NRXN3: variants seen among roughly 807,000 people sequenced by gnomAD.
The protein encoded by NRXN3 is neurexin III.
Under a neutral mutation model 137.6 loss-of-function variants are expected in NRXN3, and 32 were observed. The observed-to-expected ratio is 0.23, with a 90% confidence interval of 0.18 to 0.31. The LOEUF is 0.31. NRXN3 is among the 10% of genes least tolerant of loss of function. NRXN3 has a pLI of 1.00. For missense variants in NRXN3, 1,574 were observed against 2,062.5 expected (o/e 0.76, Z 4.59); for synonymous variants, 798 against 784.5 (o/e 1.02, Z -0.29).
chr14:79,232,946 A>G (rs1301827476), intron 15 of NRXN3, among the ~76,000 whole-genome samples: 1 of 152,208 alleles, frequency 6.6e-6, no homozygotes, highest in Non-Finnish European at 1.5e-5. Context: ...ACCAAAATAA[A>G]TACTGTAGCA....
At chr14:79,708,868 G>T (rs536966788) in intron 19 of NRXN3, among the ~76,000 whole-genome samples, 21 of 152,246 alleles carry the variant, frequency 1.4e-4, no homozygotes, top group African/African-American at 5.1e-4. Flanking sequence ...TGCACACCAC[G>T]TCTGTGGTGG....
chr14:79,164,571 T>C (rs1206081765), intron 15 of NRXN3, among the ~76,000 whole-genome samples: 1 of 152,022 alleles, frequency 6.6e-6, no homozygotes, highest in Admixed American at 6.6e-5. Context: ...AATGCTACAC[T>C]CACAGTTAAA....
At chr14:79,452,966 TAATA>T (rs1223772870) in intron 15 of NRXN3, among the ~76,000 whole-genome samples, 1 of 152,210 alleles carries the variant, frequency 6.6e-6, no homozygotes, top group African/African-American at 2.4e-5. Context: ...TGATAAAAGG[TAATA>T]AATAAAAATT....
intron 4 of NRXN3, among the ~76,000 whole-genome samples, chr14:78,492,605 C>T (rs2095689537): frequency 6.6e-6 from 1 of 152,156 alleles, no homozygotes; most frequent in African/African-American, 2.4e-5. Context: ...TTCACACACA[C>T]ATAAGCCATT....
intron 10 of NRXN3, among the ~76,000 whole-genome samples, chr14:78,886,468 C>CT (rs2099144080): frequency 6.6e-6 from 1 of 151,876 alleles, no homozygotes; most frequent in Admixed American, 6.6e-5. Context: ...TCCTCCCTTC[C>CT]TTTTTTCTCT....
chr14:78,211,123 G>C (rs1395529716), intron 1 of NRXN3, among the ~76,000 whole-genome samples: 1 of 152,210 alleles, frequency 6.6e-6, no homozygotes, highest in African/African-American at 2.4e-5. Context: ...AAAATTGTTA[G>C]CTGTTATTAC....
chr14:78,682,382 T>G (rs1394451487), intron 6 of NRXN3, among the ~76,000 whole-genome samples: 1 of 147,998 alleles, frequency 6.8e-6, no homozygotes, highest in Non-Finnish European at 1.5e-5. Context: ...ATATCTTCCC[T>G]GCACCAAACA....
intron 16 of NRXN3, among the ~76,000 whole-genome samples, chr14:79,472,878 AT>A (rs1172015880): frequency 3.3e-5 from 5 of 152,174 alleles, no homozygotes; most frequent in Non-Finnish European, 7.4e-5. Context: ...CTCTTTCACC[AT>A]CTGCAAAATA....
chr14:79,059,651 G>A (rs1337156700), intron 15 of NRXN3, among the ~76,000 whole-genome samples: 1 of 152,090 alleles, frequency 6.6e-6, no homozygotes, highest in African/African-American at 2.4e-5. Flanking sequence ...TCATGTTATT[G>A]CAGCTTCTAC....
chr14:79,805,215 C>T, intron 20 of NRXN3, 25 bp downstream of exon 20: 2 of 1,597,842 alleles, frequency 1.3e-6, no homozygotes, highest in Non-Finnish European at 8.6e-7. Context: ...TCTTATTTTG[C>T]TTGCTTTCTT....
In NRXN3 at chr14:79,864,073, C is replaced by T. The variant is rs995494396; in HGVS notation, c.*2109C>T. 9.2e-5 allele frequency: 14 copies of T among 152,652 alleles called. No homozygotes were observed. The highest frequency in any genetic ancestry group is 1.7e-4 in the African/African-American group (7 of 41,552). The allele number at this position is 152,652 out of a possible 1,614,324, so 9.5% of individuals were successfully genotyped here. A position where few individuals can be genotyped will look rare whatever the true frequency, so the allele number is the denominator to read the frequency against. On this transcript the variant is annotated 3_prime_UTR_variant, in exon 21 of 21. Transcript: ENST00000335750. ...AAAGCACGATTTTAGATAACCTAAA[C>T]GGCCCAGCCTATACGAAGTTGATTA...
At chr14:79,262,178 C>CCCCT (rs989014325) in intron 15 of NRXN3, among the ~76,000 whole-genome samples, 3 of 152,052 alleles carry the variant, frequency 2.0e-5, no homozygotes, top group African/African-American at 7.2e-5. Flanking sequence ...TTCTCTTGGG[C>CCCCT]CCCTCCTGCC....
chr14:78,957,501 A>C, intron 11 of NRXN3, 140 bp downstream of exon 11: 1 of 915,446 alleles, frequency 1.1e-6, no homozygotes, highest in Non-Finnish European at 1.6e-6. Context: ...AAACTCAGGC[A>C]AGGCTAAGAA....
chr14:78,644,663 G>A (rs988473749), intron 4 of NRXN3, among the ~76,000 whole-genome samples: 2 of 152,038 alleles, frequency 1.3e-5, no homozygotes, highest in South Asian at 2.1e-4. Flanking sequence ...CAGATCTTTC[G>A]GGGTAATTTA....
intron 15 of NRXN3, among the ~76,000 whole-genome samples, chr14:79,001,103 T>A (rs2099540471): frequency 6.6e-6 from 1 of 152,158 alleles, no homozygotes; most frequent in African/African-American, 2.4e-5. Flanking sequence ...AAGCTGCATC[T>A]CTTGTCACAT....
intron 15 of NRXN3, among the ~76,000 whole-genome samples, chr14:79,020,941 G>C (rs2099588636): frequency 1.3e-5 from 2 of 151,044 alleles, no homozygotes; most frequent in Admixed American, 1.3e-4. Flanking sequence ...CTCAATTATG[G>C]AGGGTGATAG....
chr14:79,754,809 C>T (rs976932110), intron 19 of NRXN3, among the ~76,000 whole-genome samples: 23 of 151,838 alleles, frequency 1.5e-4, no homozygotes, highest in Admixed American at 8.5e-4. Context: ...GATTATGGAA[C>T]GGTTTCCGCA....
At chr14:78,921,536 C>T (rs61994011) in intron 10 of NRXN3, among the ~76,000 whole-genome samples, 3,643 of 152,234 alleles carry the variant, frequency 0.024, 60 homozygotes, top group Middle Eastern at 0.048. Flanking sequence ...TTCTAATCAC[C>T]TAAATCACTT....
At chr14:78,417,684 A>C (rs2093217708) in intron 4 of NRXN3, among the ~76,000 whole-genome samples, 1 of 152,228 alleles carries the variant, frequency 6.6e-6, no homozygotes, top group Non-Finnish European at 1.5e-5. Flanking sequence ...TCACAGAAGC[A>C]CATGAGCAGT....
Sources: allele counts gnomAD v4.1 joint callset (sites outside exome capture counted in the v4.1 genomes callset), GRCh38; gene constraint gnomAD v4.1.1; transcripts MANE v1.5; gene names NCBI Gene and HGNC (gene_info 2026-07-23, HGNC 2026-07-21).